PTPRD: variants seen among roughly 807,000 people sequenced by gnomAD.
The protein encoded by PTPRD is receptor-type tyrosine-protein phosphatase delta.
PTPRD carries 34 observed loss-of-function variants against 214.5 expected under a neutral mutation model. The ratio of observed to expected loss-of-function variants is 0.16; its 90% CI spans 0.12 to 0.21. The LOEUF is 0.21. Ranked by LOEUF, PTPRD falls within the 10% of genes least tolerant of loss-of-function variation. The pLI, the probability that PTPRD is intolerant of heterozygous loss-of-function variation, is 1.00. For missense variants in PTPRD, 2,545 were observed against 2,398.7 expected (o/e 1.06, Z -1.27); for synonymous variants, 1,128 against 845.7 (o/e 1.33, Z -5.79).
At chr9:10,257,395 C>G (rs1027468321) in intron 3 of PTPRD, among the ~76,000 whole-genome samples, 3 of 152,094 alleles carry the variant, frequency 2.0e-5, no homozygotes, top group Non-Finnish European at 4.4e-5. Context: ...TATGGCAAAC[C>G]AGGGGCATCC....
At chr9:9,000,468 GCTTGTTATAA>G (rs1350373848) in intron 11 of PTPRD, among the ~76,000 whole-genome samples, 1 of 151,914 alleles carries the variant, frequency 6.6e-6, no homozygotes, top group Non-Finnish European at 1.5e-5. Context: ...ATCTTGAGGT[GCTTGTTATAA>G]CTTCACTTTA....
intron 9 of PTPRD, among the ~76,000 whole-genome samples, chr9:9,387,880 T>C (rs1251512553): frequency 6.6e-6 from 1 of 152,162 alleles, no homozygotes; most frequent in Non-Finnish European, 1.5e-5. Context: ...TAAAAATGAA[T>C]GTTTACAGCT....
chr9:8,750,921 A>G (rs892500), intron 11 of PTPRD, among the ~76,000 whole-genome samples: 78,450 of 140,144 alleles, frequency 0.56, 23,713 homozygotes, highest in South Asian at 0.68. Context: ...CCAATGGTCT[A>G]AAAAAATGCA....
intron 10 of PTPRD, among the ~76,000 whole-genome samples, chr9:9,046,102 G>C (rs879358654): frequency 2.0e-5 from 3 of 152,168 alleles, no homozygotes; most frequent in African/African-American, 2.4e-5. Flanking sequence ...TAAAATGTCA[G>C]AAACTTTATT....
intron 8 of PTPRD, among the ~76,000 whole-genome samples, chr9:9,450,295 G>A (rs2091781873): frequency 6.6e-6 from 1 of 151,940 alleles, no homozygotes; most frequent in Non-Finnish European, 1.5e-5. Context: ...TAGTGAGATT[G>A]CTGGATCAAA....
intron 2 of PTPRD, among the ~76,000 whole-genome samples, chr9:10,476,608 T>C (rs922627820): frequency 2.0e-5 from 3 of 152,132 alleles, no homozygotes; most frequent in African/African-American, 7.2e-5. Context: ...AAGCTACCAT[T>C]GACCTTCTTC....
rs200607395 is a variant in PTPRD, at chr9:9,611,372, AT to A, written c.-286-36592del. ...AGAGCATTGATGCTGACCATTATAA[AT>A]TTTTTTTCAAATTTTGCAAGAAAAA... On this transcript the variant is annotated intron_variant, in intron 7 of 45. Coordinates refer to ENST00000381196, the MANE Select transcript of PTPRD (RefSeq NM_002839.4). Among the ~76,000 whole-genome samples the A allele has an allele frequency of 8.3e-3, 1,269 of 152,056 alleles. 16 individuals carry two copies. Among genetic ancestry groups the A allele is most frequent in the African/African-American group, 0.028 (1,171 of 41,494 alleles).
At chr9:10,456,189 T>C (rs1344859647) in intron 2 of PTPRD, among the ~76,000 whole-genome samples, 1 of 151,798 alleles carries the variant, frequency 6.6e-6, no homozygotes, top group Non-Finnish European at 1.5e-5. Context: ...GCAGGAGAAA[T>C]AGGAACCTAT....
intron 3 of PTPRD, among the ~76,000 whole-genome samples, chr9:10,076,276 G>C (rs9298651): frequency 6.6e-6 from 1 of 151,768 alleles, no homozygotes; most frequent in Non-Finnish European, 1.5e-5. Context: ...CTTGAACCAC[G>C]GTACTCATCA....
chr9:9,792,383 T>A (rs1282897926), intron 5 of PTPRD, among the ~76,000 whole-genome samples: 1 of 152,188 alleles, frequency 6.6e-6, no homozygotes, highest in Non-Finnish European at 1.5e-5. Flanking sequence ...GAGAGTTTCA[T>A]CTATCTTTAA....
rs1277741772 is a variant in PTPRD, at chr9:8,905,669, A to T, written c.-104+113028T>A. ...CAGGAGAATCACTTGAACCAGGGAG[A>T]CCGAGGTTGCAGTGAGCCGGAATCA... On this transcript the variant is annotated intron_variant, in intron 11 of 45. Transcript: ENST00000381196. Among the ~76,000 whole-genome samples, 3 of 149,770 alleles carry T rather than the reference A, an allele frequency of 2.0e-5. 1 individual carries two copies. The highest frequency in any genetic ancestry group is 1.5e-5 in the Non-Finnish European group (1 of 67,628).
chr9:9,198,928 C>A, intron 9 of PTPRD, among the ~76,000 whole-genome samples: 1 of 152,128 alleles, frequency 6.6e-6, no homozygotes, highest in East Asian at 1.9e-4. Flanking sequence ...CTCTTACTTC[C>A]AGATTCATCA....
At chr9:8,477,030 T>C (rs1361290789) in intron 30 of PTPRD, among the ~76,000 whole-genome samples, 1 of 152,094 alleles carries the variant, frequency 6.6e-6, no homozygotes. Context: ...GATAAGATGA[T>C]TCATATTGGA....
intron 8 of PTPRD, among the ~76,000 whole-genome samples, chr9:9,545,004 C>T (rs193001602): frequency 6.6e-6 from 1 of 151,728 alleles, no homozygotes. Flanking sequence ...AGGAGTTTTA[C>T]ATTCACAGCA....
intron 21 of PTPRD, among the ~76,000 whole-genome samples, chr9:8,513,511 A>T (rs2097722860): frequency 6.6e-6 from 1 of 152,110 alleles, no homozygotes; most frequent in African/African-American, 2.4e-5. Context: ...CCTTTTAGAC[A>T]CAGAAGACAT....
intron 2 of PTPRD, among the ~76,000 whole-genome samples, chr9:10,461,918 G>T (rs554175633): frequency 1.3e-5 from 2 of 151,936 alleles, no homozygotes; most frequent in Non-Finnish European, 2.9e-5. Context: ...CACCACACCC[G>T]GTCTATCTTG....
At chr9:10,568,113 C>A (rs1405989280) in intron 2 of PTPRD, among the ~76,000 whole-genome samples, 1 of 138,640 alleles carries the variant, frequency 7.2e-6, no homozygotes, top group Non-Finnish European at 1.6e-5. Context: ...CTACCCCTCC[C>A]CCCTCCCCCC....
chr9:10,542,738 G>C (rs889469426), intron 2 of PTPRD, among the ~76,000 whole-genome samples: 4 of 151,486 alleles, frequency 2.6e-5, no homozygotes, highest in African/African-American at 9.7e-5. Context: ...ATTTTTTTGA[G>C]ACAGAGTTTC....
intron 31 of PTPRD, among the ~76,000 whole-genome samples, chr9:8,466,722 G>C (rs973738266): frequency 6.6e-6 from 1 of 151,846 alleles, no homozygotes; most frequent in Non-Finnish European, 1.5e-5. Flanking sequence ...TAATAGAAAA[G>C]TCTATGTATT....
Sources: gnomAD v4.1 joint callset for allele counts (sites outside exome capture counted in the v4.1 genomes callset) on GRCh38, gnomAD v4.1.1 for gene constraint, MANE v1.5 for transcripts, NCBI Gene and HGNC (gene_info 2026-07-23, HGNC 2026-07-21) for gene names.